Variants in OPRM1 observed in about 807,000 individuals in gnomAD.
OPRM1 encodes the protein mu-type opioid receptor.
In OPRM1, 27 loss-of-function variants were observed where a neutral mutation model predicts 31.8. The observed-to-expected ratio is 0.85, with a 90% CI of 0.63 to 1.17. The LOEUF is 1.17. Ranked by LOEUF, OPRM1 falls within the 50% of genes most tolerant of loss-of-function variation. The pLI is 0.00. For synonymous variants in OPRM1, 196 were observed against 189.9 expected, an observed-to-expected ratio of 1.03 and a Z score of -0.26; for missense variants, 536 against 511.1, an observed-to-expected ratio of 1.05 and a Z score of -0.47.
chr6:154,203,060 C>T (rs1363605410), intron 3 of OPRM1, among the ~76,000 whole-genome samples: 1 of 152,194 alleles, frequency 6.6e-6, no homozygotes, highest in Non-Finnish European at 1.5e-5. Flanking sequence ...AGTGCTAAGG[C>T]ATGGCTCATT....
intron 3 of OPRM1, among the ~76,000 whole-genome samples, chr6:154,144,748 C>CAAAAAA (rs58367883): frequency 9.9e-5 from 7 of 70,484 alleles, no homozygotes; most frequent in Non-Finnish European, 1.3e-4. Flanking sequence ...GACTCTGTCT[C>CAAAAAA]AAAAAAAAAA....
intron 3 of OPRM1, among the ~76,000 whole-genome samples, chr6:154,170,247 A>G (rs558478251): frequency 6.6e-6 from 1 of 152,092 alleles, no homozygotes; most frequent in East Asian, 1.9e-4. Context: ...CATACTCCTT[A>G]ATGTTTATAT....
intron 3 of OPRM1, among the ~76,000 whole-genome samples, chr6:154,169,315 C>T (rs1236616475): frequency 1.3e-5 from 2 of 152,122 alleles, no homozygotes; most frequent in African/African-American, 4.8e-5. Flanking sequence ...GAGCTGAGAT[C>T]ACACCACTGC....
intron 1 of OPRM1, chr6:154,087,045 G>A (rs951040557): frequency 1.1e-5 from 11 of 983,484 alleles, no homozygotes; most frequent in Non-Finnish European, 1.2e-5. Context: ...CAAACTAAAA[G>A]CAAATTATTT....
At chr6:154,018,595 T>G (rs1415447982) in intron 1 of OPRM1, among the ~76,000 whole-genome samples, 1 of 151,262 alleles carries the variant, frequency 6.6e-6, no homozygotes, top group Non-Finnish European at 1.5e-5. Flanking sequence ...TAAAAACAGA[T>G]TAAGTCTTCT....
chr6:154,072,011 T>C (rs938293955), intron 1 of OPRM1, among the ~76,000 whole-genome samples: 3 of 152,246 alleles, frequency 2.0e-5, no homozygotes, highest in Non-Finnish European at 4.4e-5. Context: ...ACCAGGCTGC[T>C]TCCCAAAAGC....
In OPRM1 at chr6:154,039,466, G is replaced by A. The variant is rs764289418; in HGVS notation, c.-79G>A. On this transcript the variant is annotated 5_prime_UTR_variant, in exon 1 of 4. Transcript: ENST00000330432. Reference sequence around the variant, plus strand: ...AGCTGTGGCAGCGGCGAAAGGAAGCGGCTGAGGCGCTTGGAACCCGAAAAG... The same window carrying A: ...AGCTGTGGCAGCGGCGAAAGGAAGCAGCTGAGGCGCTTGGAACCCGAAAAG... The A allele has an allele frequency of 3.2e-6, 5 of 1,553,834 alleles. No individual in the cohort carries two copies. Among genetic ancestry groups the A allele is most frequent in the Admixed American group, 3.9e-5 (2 of 51,196 alleles).
chr6:154,243,176 A>C (rs1780738278), intron 3 of OPRM1, among the ~76,000 whole-genome samples: 4 of 152,226 alleles, frequency 2.6e-5, no homozygotes, highest in Admixed American at 2.6e-4. Context: ...GACAAGTGTG[A>C]GGAAATAAGA....
chr6:154,201,279 G>T (rs1245439907), intron 3 of OPRM1, among the ~76,000 whole-genome samples: 2 of 152,134 alleles, frequency 1.3e-5, no homozygotes, highest in Non-Finnish European at 2.9e-5. Flanking sequence ...TTTATTCTGA[G>T]ATTTTTATCT....
chr6:154,129,476 G>A lies in OPRM1; in HGVS notation c.*10755G>A, dbSNP rs989791393. Among the ~76,000 whole-genome samples, 9 of 152,280 alleles carry A rather than the reference G, an allele frequency of 5.9e-5. No homozygotes were observed. The highest frequency in any genetic ancestry group is 2.2e-4 in the African/African-American group (9 of 41,548). ...AATATGAAACAATATAAAACAATGTGAGAGGGTCTTTCTCTCCTCTCAATG... is the reference window on the plus strand; with the variant it reads ...AATATGAAACAATATAAAACAATGTAAGAGGGTCTTTCTCTCCTCTCAATG... On this transcript the variant is annotated 3_prime_UTR_variant, in exon 4 of 4. Transcript: ENST00000330432.
At chr6:154,079,958 G>A (rs754140754) in intron 1 of OPRM1, among the ~76,000 whole-genome samples, 47 of 152,118 alleles carry the variant, frequency 3.1e-4, no homozygotes, top group Non-Finnish European at 6.0e-4. Context: ...CATACTTTAG[G>A]AATGCCTGAT....
intron 1 of OPRM1, among the ~76,000 whole-genome samples, chr6:154,033,487 C>G (rs1048396673): frequency 6.6e-6 from 1 of 152,098 alleles, no homozygotes; most frequent in Non-Finnish European, 1.5e-5. Context: ...AGTGCTACTA[C>G]CCCCACTGCT....
intron 1 of OPRM1, among the ~76,000 whole-genome samples, chr6:154,032,456 G>C (rs987901844): frequency 6.6e-6 from 1 of 152,134 alleles, no homozygotes; most frequent in Non-Finnish European, 1.5e-5. Context: ...TGTTTTTAGA[G>C]ACAGGATCTC....
intron 3 of OPRM1, among the ~76,000 whole-genome samples, chr6:154,162,172 C>T (rs867095521): frequency 2.6e-5 from 4 of 152,216 alleles, no homozygotes; most frequent in Non-Finnish European, 4.4e-5. Flanking sequence ...CAATGGCCCC[C>T]GCTCTCCTAC....
At chr6:154,227,986 GCA>G (rs1491314233) in intron 3 of OPRM1, among the ~76,000 whole-genome samples, 1 of 94,472 alleles carries the variant, frequency 1.1e-5, no homozygotes, top group East Asian at 4.0e-4. Context: ...TATTTGACTT[GCA>G]AAAAAAAAAT....
intron 3 of OPRM1, among the ~76,000 whole-genome samples, chr6:154,229,351 T>A (rs1273008905): frequency 1.4e-5 from 2 of 146,828 alleles, no homozygotes; most frequent in African/African-American, 5.1e-5. Context: ...TGCCGGTTTT[T>A]TTTTTTTTTT....
At chr6:154,181,355 C>T (rs538210168) in intron 3 of OPRM1, among the ~76,000 whole-genome samples, 5 of 152,180 alleles carry the variant, frequency 3.3e-5, no homozygotes, top group East Asian at 1.9e-4. Context: ...CTTAGACCAA[C>T]GTTATTTCAT....
chr6:154,210,701 G>C (rs183331192), intron 3 of OPRM1, among the ~76,000 whole-genome samples: 16 of 152,232 alleles, frequency 1.1e-4, no homozygotes, highest in Middle Eastern at 3.4e-3. Flanking sequence ...CTGGGGAGAA[G>C]CTATGAATAT....
intron 1 of OPRM1, among the ~76,000 whole-genome samples, chr6:154,055,704 G>A (rs1396445710): frequency 5.3e-5 from 8 of 152,122 alleles, no homozygotes; most frequent in Non-Finnish European, 1.2e-4. Flanking sequence ...TCGTGTCAAG[G>A]ACATGATGAT....
Sources: gnomAD v4.1 joint callset for allele counts (sites outside exome capture counted in the v4.1 genomes callset) on GRCh38, gnomAD v4.1.1 for gene constraint, MANE v1.5 for transcripts, NCBI Gene and HGNC (gene_info 2026-07-23, HGNC 2026-07-21) for gene names.